The following FOXJ1 variants were observed in gnomAD, a reference collection of about 807,000 sequenced individuals.
The protein encoded by FOXJ1 is forkhead box J1, also known as forkhead box protein J1.
In FOXJ1, 8 loss-of-function variants were observed where a neutral mutation model predicts 29.3. That is an observed-to-expected ratio of 0.27 (90% CI 0.16 to 0.49). The LOEUF (loss-of-function observed/expected upper bound fraction) is 0.49, where lower values mean the gene tolerates loss of function less well. Ranked by LOEUF, FOXJ1 falls within the 20% of genes least tolerant of loss-of-function variation. The pLI is 0.98. For synonymous variants in FOXJ1, 280 were observed against 278.7 expected (o/e 1.00, Z -0.05); for missense variants, 539 against 595.5 (o/e 0.91, Z 0.99).
At position 76,138,238 on chromosome 17, in the gene FOXJ1, G is replaced by GT. The variant is rs912512194; in HGVS notation, c.499-119_499-118insA. On this transcript the variant is annotated intron_variant, in intron 2 of 2. Transcript: ENST00000322957. Reference sequence around the variant, plus strand: ...ATCTTTTCTCTGGCAGGGGAGAGGAGGGGGGGACAGACACACTGGTCTGCC... The same window carrying GT: ...ATCTTTTCTCTGGCAGGGGAGAGGAGTGGGGGGACAGACACACTGGTCTGCC... 279 of 1,028,262 alleles carry GT rather than the reference G, an allele frequency of 2.7e-4. 1 individual carries two copies. In the East Asian group the frequency reaches 6.2e-3, roughly 23 times the overall value. 63.7% of individuals were successfully genotyped at this position (1,028,262 alleles called of 1,614,324 possible).
rs976992632 is a variant in FOXJ1, at chr17:76,140,253, T to C, written c.143A>G (p.Lys48Arg). 3 of 1,469,548 alleles carry C rather than the reference T, an allele frequency of 2.0e-6. No individual in the cohort carries two copies. The highest frequency in any genetic ancestry group is 2.7e-6 in the Non-Finnish European group (3 of 1,121,508). 91.0% of individuals were successfully genotyped at this position (1,469,548 alleles called of 1,614,324 possible). ...GCCCCCCGGGGGCAGGGCGGGGGCC[T>C]TGGCGTTGAGAATGGAGAATTCCTG... is the stretch of plus-strand genomic sequence containing the variant. ...WLQEFSILNA[K>R]APALPPGGTD... is the part of the protein sequence containing the mutation. The change falls in exon 2 of 3, where the codon AAG (lysine) becomes AGG (arginine). Residue 48 changes from lysine to arginine, a missense_variant. Lys to Arg is a conservative substitution (Grantham distance 26). Transcript: ENST00000322957. The surrounding 1 kb of genome is among the most constrained non-coding windows in gnomAD (Gnocchi z 8.0).
rs557317716 is a variant in FOXJ1, at chr17:76,139,245, C to A, written c.498+653G>T. 6.6e-6 allele frequency among the ~76,000 whole-genome samples: 1 copy of A among 152,272 alleles called. No individual in the cohort carries two copies. The highest frequency in any genetic ancestry group is 2.1e-4 in the South Asian group (1 of 4,824). On this transcript the variant is annotated intron_variant, in intron 2 of 2. Coordinates refer to ENST00000322957, the MANE Select transcript of FOXJ1 (RefSeq NM_001454.4). The surrounding 1 kb of genome is among the most constrained non-coding windows in gnomAD (Gnocchi z 6.6). ...GAAGGCACCTGGCTCAGGTAATTGT[C>A]CCCCCAGGGAGGTTGGCTGACAGCG... is the stretch of plus-strand genomic sequence containing the variant.
chr17:76,140,203 C>T lies in FOXJ1; in HGVS notation c.193G>A (p.Val65Met), dbSNP rs1303418035. The part of the protein sequence containing the change: ...GGTDPHGYHQ[V>M]PGSAAPGSPL... ...GACCCGGGCGCCGCTGAACCTGGCA[C>T]CTGGTGGTAGCCGTGGGGGTCGGTG... Residue 65 changes from valine to methionine, a missense_variant, in exon 2 of 3, where the codon GTG (valine) becomes ATG (methionine). This residue lies in a region of FOXJ1 where 178 missense variants were observed against 254.4 expected (regional missense o/e 0.70). Transcript: ENST00000322957. The surrounding 1 kb of genome is among the most constrained non-coding windows in gnomAD (Gnocchi z 8.0). 3.4e-6 allele frequency: 5 copies of T among 1,450,250 alleles called. No individual in the cohort carries two copies. The highest frequency in any genetic ancestry group is 1.5e-5 in the African/African-American group (1 of 67,550). The allele number at this position is 1,450,250 out of a possible 1,614,324, so 89.8% of individuals were successfully genotyped here.
chr17:76,138,203 C>T (rs1027804225), intron 2 of FOXJ1, 83 bp from the exon 3 acceptor site: 6 of 1,429,636 alleles, frequency 4.2e-6, no homozygotes, highest in Non-Finnish European at 4.8e-6. Flanking sequence ...GGCGCTGCTG[C>T]GCACCCCCCA....
rs746963003 is a variant in FOXJ1 at position 76,137,561 on chromosome 17, A to C, written c.1058T>G (p.Ile353Ser). The change falls in exon 3 of 3, where the codon ATC becomes AGC. Residue 353 changes from isoleucine to serine, a missense_variant. Ile to Ser is a moderately radical substitution (Grantham distance 142). This residue lies in a region of FOXJ1 where 302 missense variants were observed against 293.6 expected (regional missense o/e 1.03). Coordinates refer to ENST00000322957, the MANE Select transcript of FOXJ1 (RefSeq NM_001454.4). The surrounding 1 kb of genome is among the most constrained non-coding windows in gnomAD (Gnocchi z 9.5). ...AGGCCCCCAGGTGGCAGGGCAGTCG[A>C]TGTGGCGGCCGTGGATGGTGAGGTC... is the stretch of plus-strand genomic sequence containing the variant. ...DVDLTIHGRHIDCPATWGPSV... is the reference protein window; with the variant it reads ...DVDLTIHGRHSDCPATWGPSV... 6.3e-6 allele frequency: 10 copies of C among 1,598,706 alleles called. No individual in the cohort carries two copies. The highest frequency in any genetic ancestry group is 3.4e-5 in the Admixed American group (2 of 58,336).
rs1368860072 is a variant in FOXJ1, at chr17:76,140,631, G to A, written c.-169-67C>T. The A allele has an allele frequency of 6.4e-6, 3 of 471,238 alleles. No homozygotes were observed. Among genetic ancestry groups the A allele is most frequent in the Admixed American group, 4.3e-5 (1 of 23,136 alleles). 29.2% of individuals were successfully genotyped at this position (471,238 alleles called of 1,614,324 possible). ...GAGGGGACAGTGTGTGTACGGGGAC[G>A]CCCTCTCTAACATCATCCCCGCAGC... On this transcript the variant is annotated intron_variant, in intron 1 of 2. Coordinates refer to ENST00000322957, the MANE Select transcript of FOXJ1 (RefSeq NM_001454.4). The surrounding 1 kb of genome is among the most constrained non-coding windows in gnomAD (Gnocchi z 8.0).
At position 76,140,548 on chromosome 17, in the gene FOXJ1, G is replaced by A; in HGVS notation, c.-153C>T. 1 of 655,232 alleles carries A rather than the reference G, an allele frequency of 1.5e-6. No homozygotes were observed. Among genetic ancestry groups the A allele is most frequent in the Non-Finnish European group, 2.4e-6 (1 of 418,192 alleles). 40.6% of individuals were successfully genotyped at this position (655,232 alleles called of 1,614,324 possible). A position where few individuals can be genotyped will look rare whatever the true frequency, so the allele number is the denominator to read the frequency against. ...TCGCGACCCCGGGGGCGCCTCCTCC[G>A]AATAAGTATGTGGTGCCTGCGAGGA... On this transcript the variant is annotated 5_prime_UTR_variant, in exon 2 of 3. Transcript: ENST00000322957. The surrounding 1 kb of genome is among the most constrained non-coding windows in gnomAD (Gnocchi z 8.0).
In FOXJ1 at chr17:76,137,707, G is replaced by T. The variant is rs1359364645; in HGVS notation, c.912C>A (p.Pro304=). Residue 304 remains proline (P), a synonymous_variant, in exon 3 of 3, where the codon CCC becomes CCA. Transcript: ENST00000322957. The surrounding 1 kb of genome is among the most constrained non-coding windows in gnomAD (Gnocchi z 9.5). The part of the protein sequence containing the change: ...PTPEEQGELE[P]LKGNFDWEAI... ...CCTCCCAGTCAAAGTTGCCTTTGAGGGGTTCCAGCTCACCCTGCTCCTCCG... is the reference window on the plus strand; with the variant it reads ...CCTCCCAGTCAAAGTTGCCTTTGAGTGGTTCCAGCTCACCCTGCTCCTCCG... 4.3e-6 allele frequency: 7 copies of T among 1,612,386 alleles called. No homozygotes were observed. Among genetic ancestry groups the T allele is most frequent in the Non-Finnish European group, 5.9e-6 (7 of 1,179,672 alleles).
chr17:76,137,857 G>T lies in FOXJ1; in HGVS notation c.762C>A (p.Phe254Leu), dbSNP rs1311938823. Residue 254 changes from phenylalanine (F) to leucine (L), a missense_variant, in exon 3 of 3, where the codon TTC becomes TTA. Transcript: ENST00000322957. The surrounding 1 kb of genome is among the most constrained non-coding windows in gnomAD (Gnocchi z 9.5). ...AGCCCGCCTCCCCGGTGGCCTCCTC[G>T]AACTCCCGCAGCAGCTGCTGGGCCT... ...NTEAQQLLRE[F>L]EEATGEAGWG... The T allele has an allele frequency of 6.3e-7, 1 of 1,588,488 alleles. No homozygotes were observed. The highest frequency in any genetic ancestry group is 8.6e-7 in the Non-Finnish European group (1 of 1,167,362).
Position 76,137,987 on chromosome 17 carries a change from T to C in FOXJ1, c.632A>G (p.Lys211Arg), listed in dbSNP as rs527492259. 9 of 1,609,346 alleles carry C rather than the reference T, an allele frequency of 5.6e-6. No homozygotes were observed. The highest frequency in any genetic ancestry group is 4.5e-5 in the East Asian group (2 of 44,828). The change falls in exon 3 of 3, where the codon AAG becomes AGG. Residue 211 changes from lysine (K) to arginine (R), a missense_variant. This residue lies in a region of FOXJ1 where 178 missense variants were observed against 254.4 expected (regional missense o/e 0.70). Coordinates refer to ENST00000322957, the MANE Select transcript of FOXJ1 (RefSeq NM_001454.4). The surrounding 1 kb of genome is among the most constrained non-coding windows in gnomAD (Gnocchi z 9.5). ...YAERLLSGAF[K>R]KRRLPPVHIH... ...GTGGACAGGGGGCAGTCGCCGCTTCTTGAAAGCGCCGCTCAGTAGCCGCTC... is the reference window on the plus strand; with the variant it reads ...GTGGACAGGGGGCAGTCGCCGCTTCCTGAAAGCGCCGCTCAGTAGCCGCTC...
chr17:76,139,837 T>C lies in FOXJ1; in HGVS notation c.498+61A>G. The C allele has an allele frequency of 6.5e-7, 1 of 1,532,720 alleles. No homozygotes were observed. Among genetic ancestry groups the C allele is most frequent in the Non-Finnish European group, 8.8e-7 (1 of 1,133,062 alleles). 94.9% of individuals were successfully genotyped at this position (1,532,720 alleles called of 1,614,324 possible). A position where few individuals can be genotyped will look rare whatever the true frequency, so the allele number is the denominator to read the frequency against. ...CTGCAGATTTGGGATATGAATCCAG[T>C]GCAGCGTGGGGAGCGAGGAGGGAAT... On this transcript the variant is annotated intron_variant, in intron 2 of 2. Coordinates refer to ENST00000322957, the MANE Select transcript of FOXJ1 (RefSeq NM_001454.4). This position sits in a 1 kb window ranked among gnomAD's most constrained non-coding sequence, Gnocchi z 6.6.
intron 2 of FOXJ1, among the ~76,000 whole-genome samples, chr17:76,138,562 T>G (rs1598373325): frequency 6.7e-6 from 1 of 148,858 alleles, no homozygotes; most frequent in Non-Finnish European, 1.5e-5. Context: ...CAGCCGAGAG[T>G]GGAGAGGAAG....
rs1321250750 is a variant in FOXJ1, at chr17:76,138,024, G to A, written c.595C>T (p.Pro199Ser). The A allele has an allele frequency of 6.2e-7, 1 of 1,613,782 alleles. No individual in the cohort carries two copies. The highest frequency in any genetic ancestry group is 8.5e-7 in the Non-Finnish European group (1 of 1,179,974). The change falls in exon 3 of 3, where the codon CCC becomes TCC. Residue 199 changes from proline to serine, a missense_variant. Physicochemically the swap from Pro to Ser is moderately conservative, Grantham distance 74. Coordinates refer to ENST00000322957, the MANE Select transcript of FOXJ1 (RefSeq NM_001454.4). ...CTCAGTAGCCGCTCCGCGTACTGGG[G>A]GTCAATGCGCCAGAAGCCCCCCTTG... ...PGKGGFWRID[P>S]QYAERLLSGA... is the part of the protein sequence containing the mutation.
Position 76,140,204 on chromosome 17 carries a change from C to G in FOXJ1, c.192G>C (p.Gln64His), listed in dbSNP as rs772042573. 3.5e-6 allele frequency: 5 copies of G among 1,447,446 alleles called. No homozygotes were observed. Among genetic ancestry groups the G allele is most frequent in the Admixed American group, 3.3e-5 (1 of 30,670 alleles). The allele number at this position is 1,447,446 out of a possible 1,614,324, so 89.7% of individuals were successfully genotyped here. A position where few individuals can be genotyped will look rare whatever the true frequency, so the allele number is the denominator to read the frequency against. Residue 64 changes from glutamine to histidine, a missense_variant, in exon 2 of 3, where the codon CAG becomes CAC. Around this residue, in one of 3 missense-constraint regions of FOXJ1, gnomAD observed 178 missense variants for 254.4 expected, o/e 0.70. Transcript: ENST00000322957. This position sits in a 1 kb window ranked among gnomAD's most constrained non-coding sequence, Gnocchi z 8.0. ...ACCCGGGCGCCGCTGAACCTGGCAC[C>G]TGGTGGTAGCCGTGGGGGTCGGTGC... is the stretch of plus-strand genomic sequence containing the variant. ...PGGTDPHGYH[Q>H]VPGSAAPGSP...
In FOXJ1 at chr17:76,140,586, C is replaced by T; in HGVS notation, c.-169-22G>A. 1.9e-6 allele frequency: 1 copy of T among 528,590 alleles called. No homozygotes were observed. Among genetic ancestry groups the T allele is most frequent in the Non-Finnish European group, 3.3e-6 (1 of 307,434 alleles). 32.7% of individuals were successfully genotyped at this position (528,590 alleles called of 1,614,324 possible). A position where few individuals can be genotyped will look rare whatever the true frequency, so the allele number is the denominator to read the frequency against. On this transcript the variant is annotated intron_variant, in intron 1 of 2. Transcript: ENST00000322957. The surrounding 1 kb of genome is among the most constrained non-coding windows in gnomAD (Gnocchi z 8.0). ...GTGCCTGCGAGGACCACGGTGGGAG[C>T]TGAGCACTACCCCACCCCCGAGGGG...
In FOXJ1 at chr17:76,140,287, G is replaced by A; in HGVS notation, c.109C>T (p.Gln37Ter). The change falls in exon 2 of 3, where the codon CAG (glutamine) becomes TAG (stop). Residue 37 changes from glutamine (Q) to a stop codon, truncating the protein, a stop_gained. Transcript: ENST00000322957. LOFTEE classifies it high-confidence loss of function. This position sits in a 1 kb window ranked among gnomAD's most constrained non-coding sequence, Gnocchi z 8.0. Reference protein sequence around the residue: ...DALDDSLTSLQWLQEFSILNA... With the variant: ...DALDDSLTSL ...AGAATGGAGAATTCCTGCAGCCACT[G>A]CAGGCTGGTCAGGCTGTCATCCAGG... The A allele has an allele frequency of 1.3e-6, 2 of 1,487,566 alleles. No individual in the cohort carries two copies. Among genetic ancestry groups the A allele is most frequent in the Non-Finnish European group, 8.8e-7 (1 of 1,130,072 alleles). 92.1% of individuals were successfully genotyped at this position (1,487,566 alleles called of 1,614,324 possible).
In FOXJ1 at chr17:76,140,057, G is replaced by A. The variant is rs200210442; in HGVS notation, c.339C>T (p.Asp113=). The A allele has an allele frequency of 1.3e-5, 21 of 1,609,180 alleles. No individual in the cohort carries two copies. In the South Asian group the frequency reaches 2.1e-4, roughly 16 times the overall value. The change falls in exon 2 of 3, where the codon GAC becomes GAT. Residue 113 remains aspartate, a synonymous_variant. Coordinates refer to ENST00000322957, the MANE Select transcript of FOXJ1 (RefSeq NM_001454.4). The surrounding 1 kb of genome is among the most constrained non-coding windows in gnomAD (Gnocchi z 8.0). ...GLQAPPPDDV[D]YATNPHVKPP... ...GCTTCACGTGCGGATTGGTGGCGTAGTCCACGTCGTCGGGGGGTGGGGCCT... is the reference window on the plus strand; with the variant it reads ...GCTTCACGTGCGGATTGGTGGCGTAATCCACGTCGTCGGGGGGTGGGGCCT...
chr17:76,140,148 C>T lies in FOXJ1; in HGVS notation c.248G>A (p.Gly83Glu). 2 of 1,542,490 alleles carry T rather than the reference C, an allele frequency of 1.3e-6. No homozygotes were observed. The highest frequency in any genetic ancestry group is 1.7e-6 in the Non-Finnish European group (2 of 1,153,640). The change falls in exon 2 of 3, where the codon GGG (glycine) becomes GAG (glutamate). Residue 83 changes from glycine to glutamate, a missense_variant. Gly to Glu is a moderately conservative substitution (Grantham distance 98). Transcript: ENST00000322957. The surrounding 1 kb of genome is among the most constrained non-coding windows in gnomAD (Gnocchi z 8.0). ...GGGCTTGCCCGGCGTGTGTGGCTGC[C>T]CCAGGCAGGCGGGGTCGGCCGCCAG... Reference protein sequence around the residue: ...SPLAADPACLGQPHTPGKPTS... With the variant: ...SPLAADPACLEQPHTPGKPTS...
At position 76,140,376 on chromosome 17, in the gene FOXJ1, C is replaced by G. The variant is rs1208457857; in HGVS notation, c.20G>C (p.Arg7Pro). The change falls in exon 2 of 3, where the codon CGC becomes CCC. Residue 7 changes from arginine to proline, a missense_variant. Transcript: ENST00000322957. The surrounding 1 kb of genome is among the most constrained non-coding windows in gnomAD (Gnocchi z 8.0). Reference sequence around the variant, plus strand: ...CTCCGCCGGCCCGGCTCCCGAGAGGCGCAGCCAGCTCTCCGCCATGTCTGC... The same window carrying G: ...CTCCGCCGGCCCGGCTCCCGAGAGGGGCAGCCAGCTCTCCGCCATGTCTGC... MAESWL[R>P]LSGAGPAEEA... The G allele has an allele frequency of 2.7e-6, 4 of 1,484,332 alleles. No individual in the cohort carries two copies. The Admixed American group carries it at 9.9e-5, about 37-fold the overall frequency. 91.9% of individuals were successfully genotyped at this position (1,484,332 alleles called of 1,614,324 possible).
Sources: gnomAD v4.1 joint callset for allele counts (sites outside exome capture counted in the v4.1 genomes callset) on GRCh38, gnomAD v4.1.1 for gene constraint, gnomAD v4.1.1 regional missense constraint, Gnocchi (gnomAD v3.1) non-coding constraint, MANE v1.5 for transcripts, NCBI Gene and HGNC (gene_info 2026-07-23, HGNC 2026-07-21) for gene names.